FOXN3: variants seen among roughly 807,000 people sequenced by gnomAD.
FOXN3 encodes forkhead box N3.
FOXN3 carries 7 observed loss-of-function variants against 38.4 expected under a neutral mutation model. That is an observed-to-expected ratio of 0.18 (90% CI 0.10 to 0.34). FOXN3 has a LOEUF of 0.34. Ranked by LOEUF, FOXN3 falls within the 10% of genes least tolerant of loss-of-function variation. The pLI is 1.00. For synonymous variants in FOXN3, 230 were observed against 242.2 expected, an observed-to-expected ratio of 0.95 and a Z score of 0.47; for missense variants, 456 against 613.4, an observed-to-expected ratio of 0.74 and a Z score of 2.71.
At chr14:89,603,035 C>T (rs1896184900) in intron 1 of FOXN3, among the ~76,000 whole-genome samples, 1 of 152,080 alleles carries the variant, frequency 6.6e-6, no homozygotes, top group Non-Finnish European at 1.5e-5. Flanking sequence ...TCTTCTTCTT[C>T]CTGGGCAAAC....
rs566935046 is a variant in FOXN3 at position 89,298,287 on chromosome 14, G to T, written c.681-17273C>A. 6.6e-5 allele frequency among the ~76,000 whole-genome samples: 10 copies of T among 152,188 alleles called. No individual in the cohort carries two copies. In the South Asian group the frequency reaches 1.0e-3, roughly 16 times the overall value. The stretch of plus-strand genomic sequence containing the variant: ...TGGTTGCCAGGAACTAGGTGGAGGG[G>T]AACGGGGGGAGTGGTTGTTTAATGA... On this transcript the variant is annotated intron_variant, in intron 3 of 5. Coordinates refer to ENST00000557258, the MANE Select transcript of FOXN3 (RefSeq NM_005197.4).
At chr14:89,195,319 C>T (rs1888069394) in intron 4 of FOXN3, among the ~76,000 whole-genome samples, 2 of 152,204 alleles carry the variant, frequency 1.3e-5, no homozygotes, top group Non-Finnish European at 2.9e-5. Flanking sequence ...CTCCCACTCT[C>T]TACCTTAGGT....
At chr14:89,451,858 G>T (rs897059386) in intron 1 of FOXN3, among the ~76,000 whole-genome samples, 1 of 151,962 alleles carries the variant, frequency 6.6e-6, no homozygotes, top group South Asian at 2.1e-4. Context: ...CACTGGTAAC[G>T]GGGGGCTGCA....
At chr14:89,364,860 T>C (rs1890090732) in intron 2 of FOXN3, among the ~76,000 whole-genome samples, 1 of 152,180 alleles carries the variant, frequency 6.6e-6, no homozygotes, top group African/African-American at 2.4e-5. Flanking sequence ...TTTAGGCCCA[T>C]GGGTAGAATT....
chr14:89,454,495 T>C (rs1419145952), intron 1 of FOXN3, among the ~76,000 whole-genome samples: 1 of 152,260 alleles, frequency 6.6e-6, no homozygotes, highest in Non-Finnish European at 1.5e-5. Context: ...CAAAGACATA[T>C]GCAATTGTGT....
intron 1 of FOXN3, chr14:89,494,242 T>C (rs1289629808): frequency 6.6e-6 from 1 of 152,224 alleles, no homozygotes; most frequent in Non-Finnish European, 1.5e-5. Flanking sequence ...GCTGTTGCCA[T>C]GGAAACAAAC....
At chr14:89,446,243 C>T (rs1015210315) in intron 1 of FOXN3, among the ~76,000 whole-genome samples, 7 of 118,246 alleles carry the variant, frequency 5.9e-5, no homozygotes, top group South Asian at 5.9e-4. Flanking sequence ...TGCTGGAGTG[C>T]GAAGGCCCAA....
chr14:89,162,954 G>A lies in FOXN3; in HGVS notation c.867C>T (p.Ser289=), dbSNP rs1368368382. The change falls in exon 6 of 6, where the codon AGC becomes AGT. Residue 289 remains serine, a synonymous_variant. Coordinates refer to ENST00000557258, the MANE Select transcript of FOXN3 (RefSeq NM_005197.4). This position sits in a 1 kb window ranked among gnomAD's most constrained non-coding sequence, Gnocchi z 7.2. ...VTAAMRNGIT[S]CRMRTESEPS... is the part of the protein sequence containing the mutation. ...GCTCACTCTCAGTCCGCATCCGGCAGCTGGTGATGCCATTCCTGCAGAGCG... is the reference window on the plus strand; with the variant it reads ...GCTCACTCTCAGTCCGCATCCGGCAACTGGTGATGCCATTCCTGCAGAGCG... The A allele has an allele frequency of 6.4e-7, 1 of 1,564,002 alleles. No individual in the cohort carries two copies. Among genetic ancestry groups the A allele is most frequent in the Admixed American group, 1.8e-5 (1 of 56,422 alleles).
At chr14:89,617,117 C>G (rs1417430934) in intron 1 of FOXN3, among the ~76,000 whole-genome samples, 1 of 152,144 alleles carries the variant, frequency 6.6e-6, no homozygotes, top group African/African-American at 2.4e-5. Context: ...TCCATAACAA[C>G]CATGTCTCCA....
At chr14:89,410,704 C>G (rs1160950642) in intron 2 of FOXN3, among the ~76,000 whole-genome samples, 4 of 151,988 alleles carry the variant, frequency 2.6e-5, no homozygotes, top group Non-Finnish European at 1.5e-5. Context: ...GAGACACCAT[C>G]TCTACAAAAA....
At chr14:89,298,698 G>A (rs1040769539) in intron 3 of FOXN3, among the ~76,000 whole-genome samples, 3 of 152,064 alleles carry the variant, frequency 2.0e-5, no homozygotes, top group Non-Finnish European at 4.4e-5. Flanking sequence ...TCCATTCACT[G>A]AATAAACATG....
chr14:89,530,234 G>A (rs558495061), intron 1 of FOXN3, among the ~76,000 whole-genome samples: 1 of 152,234 alleles, frequency 6.6e-6, no homozygotes, highest in East Asian at 1.9e-4. Context: ...CACTGCACCT[G>A]GCCTTGAGAC....
intron 4 of FOXN3, among the ~76,000 whole-genome samples, chr14:89,262,029 A>C (rs1299434977): frequency 6.6e-6 from 1 of 152,164 alleles, no homozygotes; most frequent in Non-Finnish European, 1.5e-5. Flanking sequence ...ACTCGAATCC[A>C]GGAGGCAGAG....
At chr14:89,288,637 G>A (rs898712864) in intron 3 of FOXN3, among the ~76,000 whole-genome samples, 8 of 103,492 alleles carry the variant, frequency 7.7e-5, no homozygotes, top group African/African-American at 1.0e-4. Context: ...AAATGGAAAC[G>A]ACATACTCCA....
chr14:89,496,768 A>G lies in FOXN3; in HGVS notation c.-14-84278T>C, dbSNP rs561356242. On this transcript the variant is annotated intron_variant, in intron 1 of 6. Transcript: ENST00000345097. ...ATCTCTACAACTCTGTACCTAGCAC[A>G]CAATCACTCCCCATTCTCCATTCCC... Among the ~76,000 whole-genome samples, 8 of 152,256 alleles carry G rather than the reference A, an allele frequency of 5.3e-5. No individual in the cohort carries two copies. The East Asian group carries it at 1.5e-3, about 29-fold the overall frequency.
At chr14:89,360,723 A>ACCACCACCT (rs1889464350) in intron 2 of FOXN3, among the ~76,000 whole-genome samples, 1 of 131,712 alleles carries the variant, frequency 7.6e-6, no homozygotes, top group African/African-American at 3.2e-5. Context: ...CACTACCTCC[A>ACCACCACCT]CCACCACCAC....
At chr14:89,316,957 A>G (rs1424166579) in intron 3 of FOXN3, among the ~76,000 whole-genome samples, 1 of 152,044 alleles carries the variant, frequency 6.6e-6, no homozygotes, top group African/African-American at 2.4e-5. Context: ...GAGCCACCAC[A>G]CCCGGCCACC....
chr14:89,528,376 C>A (rs1401574442), intron 1 of FOXN3, among the ~76,000 whole-genome samples: 1 of 53,576 alleles, frequency 1.9e-5, no homozygotes, highest in Non-Finnish European at 3.4e-5. Flanking sequence ...ATGGATGAAT[C>A]TTTTTTTTTT....
upstream of FOXN3, among the ~76,000 whole-genome samples, chr14:89,418,424 C>T (rs76946989): frequency 1.3e-3 from 145 of 114,562 alleles, no homozygotes; most frequent in African/African-American, 4.4e-3. Flanking sequence ...CCCCCCCCCC[C>T]AATCTGAGAG....
Sources: gnomAD v4.1 joint callset for allele counts (sites outside exome capture counted in the v4.1 genomes callset) on GRCh38, gnomAD v4.1.1 for gene constraint, Gnocchi (gnomAD v3.1) non-coding constraint, MANE v1.5 for transcripts, NCBI Gene and HGNC (gene_info 2026-07-23, HGNC 2026-07-21) for gene names.